The following GLIS3 variants were observed in gnomAD, a reference collection of about 807,000 sequenced individuals.
GLIS3 encodes zinc finger protein GLIS3.
GLIS3 carries 53 observed loss-of-function variants against 78.6 expected under a neutral mutation model. That is an observed-to-expected ratio of 0.67 (90% CI 0.54 to 0.85). GLIS3 has a LOEUF of 0.85. GLIS3 is among the 40% of genes least tolerant of loss of function. GLIS3 has a pLI of 0.00. For missense variants in GLIS3, 1,703 were observed against 1,231.1 expected (o/e 1.38, Z -5.74); for synonymous variants, 684 against 509.9 (o/e 1.34, Z -4.60).
chr9:4,095,070 C>T (rs1264085236), intron 4 of GLIS3, among the ~76,000 whole-genome samples: 1 of 152,134 alleles, frequency 6.6e-6, no homozygotes, highest in Non-Finnish European at 1.5e-5. Flanking sequence ...TGAAACTATA[C>T]ACTATGTTAT....
At chr9:4,397,875 T>C in the GLIS3 span, among the ~76,000 whole-genome samples, 1 of 151,778 alleles carries the variant, frequency 6.6e-6, no homozygotes, top group Non-Finnish European at 1.5e-5. Context: ...AAAATGAGCA[T>C]ACTGTCAAGC....
At chr9:4,412,271 T>G in the GLIS3 span, among the ~76,000 whole-genome samples, 1 of 152,198 alleles carries the variant, frequency 6.6e-6, no homozygotes, top group Admixed American at 6.5e-5. Flanking sequence ...AATGTGACTT[T>G]GTTACATTTG....
intron 4 of GLIS3, among the ~76,000 whole-genome samples, chr9:3,945,150 G>A (rs1225757868): frequency 2.0e-5 from 3 of 152,148 alleles, no homozygotes; most frequent in African/African-American, 7.2e-5. Context: ...TAAACTCCAA[G>A]CATCATACTC....
At chr9:4,054,384 C>G in intron 4 of GLIS3, 1 of 985,406 alleles carries the variant, frequency 1.0e-6, no homozygotes, top group Non-Finnish European at 1.2e-6. Flanking sequence ...ACGTATTTTC[C>G]CAAGCTCAGA....
chr9:3,905,502 G>A (rs1481525950), intron 6 of GLIS3, among the ~76,000 whole-genome samples: 1 of 152,084 alleles, frequency 6.6e-6, no homozygotes, highest in African/African-American at 2.4e-5. Flanking sequence ...GGTTTTCACT[G>A]TCCCCTCCCC....
chr9:4,028,133 G>C (rs1256324031), intron 4 of GLIS3, among the ~76,000 whole-genome samples: 3 of 152,282 alleles, frequency 2.0e-5, no homozygotes, highest in Admixed American at 6.5e-5. Flanking sequence ...ACGTGCCATA[G>C]AGAATTTTGA....
chr9:4,283,009 T>TC (rs1287955792), intron 2 of GLIS3, among the ~76,000 whole-genome samples: 1 of 151,998 alleles, frequency 6.6e-6, no homozygotes, highest in Non-Finnish European at 1.5e-5. Context: ...ATTTCTTCCC[T>TC]CCAAGTTTTG....
intron 6 of GLIS3, among the ~76,000 whole-genome samples, chr9:3,899,904 G>A (rs940311643): frequency 6.6e-6 from 1 of 152,190 alleles, no homozygotes; most frequent in South Asian, 2.1e-4. Flanking sequence ...GGAGAAGCGA[G>A]ACAGTGAGTA....
intron 6 of GLIS3, among the ~76,000 whole-genome samples, chr9:3,914,089 G>A (rs1438932794): frequency 2.0e-5 from 3 of 152,168 alleles, no homozygotes; most frequent in African/African-American, 4.8e-5. Context: ...ATGGTAAATA[G>A]CCAAGTGAAA....
intron 4 of GLIS3, among the ~76,000 whole-genome samples, chr9:4,072,451 G>A (rs1245872718): frequency 6.6e-6 from 1 of 152,198 alleles, no homozygotes; most frequent in African/African-American, 2.4e-5. Context: ...AATGGAATCA[G>A]CATGTCTTTA....
At chr9:4,105,934 G>A (rs753670421) in intron 4 of GLIS3, among the ~76,000 whole-genome samples, 18 of 152,084 alleles carry the variant, frequency 1.2e-4, no homozygotes, top group Non-Finnish European at 2.6e-4. Flanking sequence ...TAGGCTGCTG[G>A]GGGAAATACT....
intron 4 of GLIS3, among the ~76,000 whole-genome samples, chr9:4,114,225 T>A (rs1042133905): frequency 2.0e-5 from 3 of 152,118 alleles, no homozygotes; most frequent in African/African-American, 7.2e-5. Context: ...CAGAACACAC[T>A]TACTGGGCAC....
At chr9:4,247,639 A>G (rs1823921687) in intron 2 of GLIS3, among the ~76,000 whole-genome samples, 1 of 152,194 alleles carries the variant, frequency 6.6e-6, no homozygotes, top group African/African-American at 2.4e-5. Context: ...GGGGAAAGAT[A>G]CAGACAATTC....
At chr9:4,316,972 A>C (rs1268217821) in intron 2 of GLIS3, among the ~76,000 whole-genome samples, 2 of 151,468 alleles carry the variant, frequency 1.3e-5, no homozygotes, top group African/African-American at 4.9e-5. Context: ...TGTTTTGCTT[A>C]AAGTCACAGT....
the GLIS3 span, among the ~76,000 whole-genome samples, chr9:4,401,687 C>T: frequency 6.6e-6 from 1 of 151,760 alleles, no homozygotes; most frequent in Non-Finnish European, 1.5e-5. Context: ...CATGCCTCAG[C>T]CTCAAGTGAT....
At chr9:4,003,948 C>T (rs1310245999) in intron 4 of GLIS3, among the ~76,000 whole-genome samples, 1 of 152,162 alleles carries the variant, frequency 6.6e-6, no homozygotes, top group Non-Finnish European at 1.5e-5. Context: ...TTCATTAGTA[C>T]ATTCCACTTA....
chr9:4,124,470 T>G, intron 3 of GLIS3, among the ~76,000 whole-genome samples: 1 of 152,186 alleles, frequency 6.6e-6, no homozygotes, highest in Non-Finnish European at 1.5e-5. Context: ...GAAAGGAAGC[T>G]GAAGGCTTCC....
chr9:3,989,265 T>C (rs666814), intron 4 of GLIS3, among the ~76,000 whole-genome samples: 58,030 of 151,874 alleles, frequency 0.38, 11,816 homozygotes, highest in African/African-American at 0.54. Context: ...CTGGCAAAGA[T>C]GTGAAGAAAC....
chr9:3,833,662 A>G (rs181933510), intron 9 of GLIS3, among the ~76,000 whole-genome samples: 5 of 152,358 alleles, frequency 3.3e-5, no homozygotes, highest in Non-Finnish European at 5.9e-5. Context: ...AGGATTGATA[A>G]CACAGCTGGA....
Sources: allele counts gnomAD v4.1 joint callset (sites outside exome capture counted in the v4.1 genomes callset), GRCh38; gene constraint gnomAD v4.1.1; transcripts MANE v1.5; gene names NCBI Gene and HGNC (gene_info 2026-07-23, HGNC 2026-07-21).